The following FAM120B variants were observed in gnomAD, a reference collection of about 807,000 sequenced individuals.
FAM120B encodes constitutive coactivator of peroxisome proliferator-activated receptor gamma.
FAM120B carries 83 observed loss-of-function variants against 96.3 expected under a neutral mutation model. That is an observed-to-expected ratio of 0.86 (90% CI 0.72 to 1.03). The LOEUF (loss-of-function observed/expected upper bound fraction) is 1.03. Ranked by LOEUF, FAM120B falls within the 50% of genes least tolerant of loss-of-function variation. The probability of loss-of-function intolerance (pLI) is 0.00; values close to 1 mark genes in which losing one functional copy is unlikely to be tolerated. For missense variants in FAM120B, 1,027 were observed against 1,121.2 expected, an observed-to-expected ratio of 0.92 and a Z score of 1.20; for synonymous variants, 407 against 402.7, an observed-to-expected ratio of 1.01 and a Z score of -0.13.
chr6:170,395,392 C>A, intron 8 of FAM120B, 95 bp from the exon 9 acceptor site: 2 of 966,504 alleles, frequency 2.1e-6, no homozygotes, highest in South Asian at 1.4e-5. Context: ...GGGGATACTG[C>A]TGACCTGGTG....
At chr6:170,294,353 A>C (rs1477889643), upstream of FAM120B, among the ~76,000 whole-genome samples, 2 of 152,222 alleles carry the variant, frequency 1.3e-5, no homozygotes, top group Admixed American at 1.3e-4. The surrounding 1 kb of genome is among the most constrained non-coding windows in gnomAD (Gnocchi z 7.9). Flanking sequence ...AAGTGGAAGG[A>C]GGAATTTGCT....
intron 6 of FAM120B, among the ~76,000 whole-genome samples, chr6:170,379,004 C>T (rs1023403067): frequency 1.3e-5 from 2 of 152,206 alleles, no homozygotes; most frequent in Non-Finnish European, 2.9e-5. Context: ...TGGGCCCAGG[C>T]AGCCTTGGTG....
At chr6:170,300,379 C>G (rs1042452442) in intron 1 of FAM120B, among the ~76,000 whole-genome samples, 6 of 152,198 alleles carry the variant, frequency 3.9e-5, no homozygotes, top group African/African-American at 1.4e-4. Context: ...TTCAATTAAC[C>G]TCCCAGAAAC....
intron 1 of FAM120B, among the ~76,000 whole-genome samples, chr6:170,311,799 G>T (rs896620381): frequency 6.6e-6 from 1 of 152,196 alleles, no homozygotes; most frequent in African/African-American, 2.4e-5. Context: ...AAATTACCTG[G>T]TATTGTTGAA....
In FAM120B at chr6:170,370,853, G is replaced by A. The variant is rs1480045689; in HGVS notation, c.2283+12535G>A. On this transcript the variant is annotated intron_variant, in intron 6 of 10. Transcript: ENST00000476287. This position sits in a 1 kb window ranked among gnomAD's most constrained non-coding sequence, Gnocchi z 4.3. The stretch of plus-strand genomic sequence containing the variant: ...TCAGGATGGTTGTGCGTCTCTAACA[G>A]ACGGGAGATACTGCAGTAGAATTTG... Among the ~76,000 whole-genome samples, 1 of 152,170 alleles carries A rather than the reference G, an allele frequency of 6.6e-6. No homozygotes were observed. Among genetic ancestry groups the A allele is most frequent in the Non-Finnish European group, 1.5e-5 (1 of 68,034 alleles).
In FAM120B at chr6:170,318,936, T is replaced by C; in HGVS notation, c.1546T>C (p.Ser516Pro). The C allele has an allele frequency of 6.2e-7, 1 of 1,614,186 alleles. No individual in the cohort carries two copies. The highest frequency in any genetic ancestry group is 1.1e-5 in the South Asian group (1 of 91,090). Residue 516 changes from serine (S) to proline (P), a missense_variant, in exon 2 of 11, where the codon TCC (serine) becomes CCC (proline). Around this residue, in one of 3 missense-constraint regions of FAM120B, gnomAD observed 880 missense variants for 980.9 expected, o/e 0.90. Transcript: ENST00000476287. The part of the protein sequence containing the change: ...QEVPICTDPI[S>P]KQEDSMCTHA... ...AGTTCCCATATGTACAGATCCTATA[T>C]CCAAGCAAGAAGACTCCATGTGTAC...
chr6:170,315,255 G>C (rs934396662), intron 1 of FAM120B, among the ~76,000 whole-genome samples: 3 of 152,170 alleles, frequency 2.0e-5, no homozygotes, highest in East Asian at 3.9e-4. Context: ...ACCATGCAAG[G>C]CCTGTTTAAA....
At chr6:170,351,330 C>T (rs1344155714) in intron 5 of FAM120B, among the ~76,000 whole-genome samples, 1 of 152,110 alleles carries the variant, frequency 6.6e-6, no homozygotes, top group Non-Finnish European at 1.5e-5. Flanking sequence ...ATTGGGGTAC[C>T]TGAAAGAGAT....
intron 4 of FAM120B, among the ~76,000 whole-genome samples, chr6:170,346,397 T>C (rs1396231919): frequency 6.6e-6 from 1 of 152,248 alleles, no homozygotes; most frequent in African/African-American, 2.4e-5. Context: ...ATTTTCTTCT[T>C]TATACTTTCC....
chr6:170,372,497 C>T (rs1010050093), intron 6 of FAM120B, among the ~76,000 whole-genome samples: 5 of 152,142 alleles, frequency 3.3e-5, no homozygotes, highest in African/African-American at 4.8e-5. Flanking sequence ...TGAATGTGAG[C>T]GCGTTCTTAG....
Position 170,348,331 on chromosome 6 carries a change from C to T in FAM120B, c.2190+8C>T, listed in dbSNP as rs1045754091. The T allele has an allele frequency of 3.0e-5, 48 of 1,611,652 alleles. No homozygotes were observed. The highest frequency in any genetic ancestry group is 4.0e-5 in the Non-Finnish European group (47 of 1,179,418). On this transcript the variant is annotated splice_region_variant and intron_variant, in intron 5 of 10. Transcript: ENST00000476287. ...ATCTACCTCTTTGTCCAGGTAATGT[C>T]CAGCTGCCCGTTCTAGTCACTGCAG...
At position 170,295,894 on chromosome 6, in the gene FAM120B, A is replaced by G. The variant is rs1783988867; in HGVS notation, c.48+441A>G. Among the ~76,000 whole-genome samples, 1 of 151,768 alleles carries G rather than the reference A, an allele frequency of 6.6e-6. No homozygotes were observed. Among genetic ancestry groups the G allele is most frequent in the Non-Finnish European group, 1.5e-5 (1 of 67,894 alleles). On this transcript the variant is annotated intron_variant, in intron 1 of 10. Coordinates refer to the FAM120B transcript ENST00000537664. The surrounding 1 kb of genome is among the most constrained non-coding windows in gnomAD (Gnocchi z 7.8). ...CAGGCCCGCTGCGAGCAGCGGAGGC[A>G]TGTGCTGATTTGCATGAGAACGGGC...
At chr6:170,365,024 G>T (rs889993482) in intron 6 of FAM120B, among the ~76,000 whole-genome samples, 1 of 152,244 alleles carries the variant, frequency 6.6e-6, no homozygotes, top group Non-Finnish European at 1.5e-5. Context: ...ACATCAGAAT[G>T]AGAGGAGGAG....
rs1010390886 is a variant in FAM120B, at chr6:170,404,789, C to T, written c.*38C>T. ...AAGAGTATGGAGAGAAAAAGAGGCA[C>T]ACCTGGACGCAGAGCCCTGCCAGCG... On this transcript the variant is annotated 3_prime_UTR_variant, in exon 11 of 11. Transcript: ENST00000476287. The T allele has an allele frequency of 1.7e-6, 1 of 589,352 alleles. No homozygotes were observed. The highest frequency in any genetic ancestry group is 3.0e-6 in the Non-Finnish European group (1 of 333,398). 36.5% of individuals were successfully genotyped at this position (589,352 alleles called of 1,614,324 possible).
rs1305820908 is a variant in FAM120B at position 170,318,175 on chromosome 6, A to G, written c.785A>G (p.Asn262Ser). ...AAAGAGAACTTTGACAAAAAAGGTA[A>G]CATCATATTAGCTGTGTCAGACCAT... The part of the protein sequence containing the change: ...SVKENFDKKG[N>S]IILAVSDHIS... The change falls in exon 2 of 11, where the codon AAC becomes AGC. Residue 262 changes from asparagine (N) to serine (S), a missense_variant. Coordinates refer to ENST00000476287, the MANE Select transcript of FAM120B (RefSeq NM_032448.3). 8 of 1,614,242 alleles carry G rather than the reference A, an allele frequency of 5.0e-6. No individual in the cohort carries two copies. The highest frequency in any genetic ancestry group is 6.8e-6 in the Non-Finnish European group (8 of 1,180,046).
chr6:170,352,101 C>G (rs1018821739), intron 5 of FAM120B, among the ~76,000 whole-genome samples: 1 of 152,100 alleles, frequency 6.6e-6, no homozygotes, highest in Non-Finnish European at 1.5e-5. Flanking sequence ...GAAAATTTAC[C>G]AAGCAAATGG....
intron 5 of FAM120B, among the ~76,000 whole-genome samples, chr6:170,349,397 C>CT (rs1434043094): frequency 2.0e-5 from 3 of 152,180 alleles, no homozygotes; most frequent in Non-Finnish European, 4.4e-5. Flanking sequence ...TATTGATTGT[C>CT]TTTAAGAAAT....
chr6:170,317,396 T>C lies in FAM120B; in HGVS notation c.6T>C (p.Gly2=), dbSNP rs1431541822. 6 of 1,605,994 alleles carry C rather than the reference T, an allele frequency of 3.7e-6. No individual in the cohort carries two copies. Among genetic ancestry groups the C allele is most frequent in the Non-Finnish European group, 5.1e-6 (6 of 1,173,096 alleles). ...TCCTTTCCCGGAGTTCAGTTATGGG[T>C]GTGAGAGGTTTGCAAGGATTTGTGG... is the stretch of plus-strand genomic sequence containing the variant. M[G]VRGLQGFVGS... is the part of the protein sequence containing the mutation. The change falls in exon 2 of 11, where the codon GGT becomes GGC. Residue 2 remains glycine (G), a synonymous_variant. Transcript: ENST00000476287.
chr6:170,356,919 A>G (rs1787990851), intron 5 of FAM120B, among the ~76,000 whole-genome samples: 1 of 152,170 alleles, frequency 6.6e-6, no homozygotes, highest in Non-Finnish European at 1.5e-5. Flanking sequence ...CCTACTTGGA[A>G]TAAAAGTGGA....
Sources: gnomAD v4.1 joint callset for allele counts (sites outside exome capture counted in the v4.1 genomes callset) on GRCh38, gnomAD v4.1.1 for gene constraint, gnomAD v4.1.1 regional missense constraint, Gnocchi (gnomAD v3.1) non-coding constraint, MANE v1.5 for transcripts, NCBI Gene and HGNC (gene_info 2026-07-23, HGNC 2026-07-21) for gene names.